Variants in TBCB observed in about 807,000 individuals in gnomAD.
TBCB encodes the protein tubulin-folding cofactor B.
Under a neutral mutation model 29.2 loss-of-function variants are expected in TBCB, and 18 were observed. That is an observed-to-expected ratio of 0.62 (90% CI 0.43 to 0.91). The LOEUF (loss-of-function observed/expected upper bound fraction) is 0.91. Among genes scored for constraint, TBCB ranks in the 40% least tolerant of loss-of-function variants. TBCB has a pLI of 0.00. For missense variants in TBCB, 336 were observed against 337.6 expected (o/e 1.00, Z 0.04); for synonymous variants, 172 against 137.8 (o/e 1.25, Z -1.74).
chr19:36,115,801 T>A (rs1220862145), intron 1 of TBCB, 127 bp downstream of exon 1: 6 of 1,119,582 alleles, frequency 5.4e-6, no homozygotes, highest in Non-Finnish European at 6.4e-6. Flanking sequence ...CTGCGGAGGC[T>A]GGGGACCCGG....
Position 36,121,587 on chromosome 19 carries a change from C to A in TBCB, c.416C>A (p.Ala139Asp). 1 of 1,557,096 alleles carries A rather than the reference C, an allele frequency of 6.4e-7. No homozygotes were observed. The highest frequency in any genetic ancestry group is 8.7e-7 in the Non-Finnish European group (1 of 1,151,976). Residue 139 changes from alanine (A) to aspartate (D), a missense_variant, in exon 4 of 6, where the codon GCT (alanine) becomes GAT (aspartate). Physicochemically the swap from Ala to Asp is moderately radical, Grantham distance 126. Transcript: ENST00000221855. ...KLGRYNEEER[A>D]QQEAEAAQRL... ...GGCCGGTACAACGAGGAGGAGCGGG[C>A]TCAGCAGGAGGCCGAGGCCGCCCAG...
In TBCB at chr19:36,115,620, C is replaced by T; in HGVS notation, c.60C>T (p.Asn20=). The part of the protein sequence containing the change: ...TVTVFISSSL[N]TFRSEKRYSR... ...CCGTTTTCATCAGCAGCTCCCTCAA[C>T]ACCTTCCGCTCCGAGAAGCGATACA... The change falls in exon 1 of 6, where the codon AAC becomes AAT. Residue 20 remains asparagine (N), a synonymous_variant. Transcript: ENST00000221855. 1 of 1,609,540 alleles carries T rather than the reference C, an allele frequency of 6.2e-7. No homozygotes were observed. The highest frequency in any genetic ancestry group is 2.2e-5 in the East Asian group (1 of 44,642).
chr19:36,117,064 T>C (rs1973967653), intron 2 of TBCB, among the ~76,000 whole-genome samples: 1 of 152,212 alleles, frequency 6.6e-6, no homozygotes, highest in African/African-American at 2.4e-5. Context: ...CCTTCCTTCC[T>C]GTCTTAATTT....
chr19:36,121,390 G>A (rs945560987), intron 3 of TBCB, 137 bp from the exon 4 acceptor site: 2 of 1,061,848 alleles, frequency 1.9e-6, no homozygotes, highest in Middle Eastern at 3.1e-4. Flanking sequence ...TGTGGTGGGA[G>A]ACCTGGGGCT....
chr19:36,118,402 TAA>T (rs1266418086), intron 2 of TBCB: 1 of 151,994 alleles, frequency 6.6e-6, no homozygotes, highest in Non-Finnish European at 1.5e-5. Flanking sequence ...ACGAGAAGAA[TAA>T]AAAGAATTGG....
At chr19:36,121,490 C>T (rs762400432) in intron 3 of TBCB, 37 bp from the exon 4 acceptor site, 2 of 1,530,916 alleles carry the variant, frequency 1.3e-6, no homozygotes, top group Non-Finnish European at 1.8e-6. Context: ...TAGGCCCGGC[C>T]GACACCCCAA....
intron 3 of TBCB, 136 bp downstream of exon 3, chr19:36,120,942 A>T: frequency 4.6e-6 from 3 of 652,166 alleles, no homozygotes; most frequent in Non-Finnish European, 5.0e-6. Context: ...GGGAGGATAT[A>T]GGGGTGAGGC....
upstream of TBCB, chr19:36,115,397 G>T: frequency 1.6e-6 from 1 of 606,566 alleles, no homozygotes. Context: ...CGGTGGGGAA[G>T]GGACGGCGGC....
chr19:36,119,834 T>C (rs1431416693), intron 2 of TBCB, among the ~76,000 whole-genome samples: 1 of 151,462 alleles, frequency 6.6e-6, no homozygotes, highest in Non-Finnish European at 1.5e-5. Flanking sequence ...AGGCAGAGGT[T>C]TCCGTGAGCT....
chr19:36,121,851 A>C, intron 4 of TBCB, 133 bp downstream of exon 4: 28 of 1,166,584 alleles, frequency 2.4e-5, no homozygotes, highest in Non-Finnish European at 3.0e-5. Context: ...AAACGATCTC[A>C]GTCCCTGGAG....
intron 4 of TBCB, 78 bp downstream of exon 4, chr19:36,121,796 C>T (rs1258656630): frequency 3.9e-6 from 6 of 1,521,872 alleles, no homozygotes; most frequent in Non-Finnish European, 5.3e-6. Context: ...AGTGGAGCCT[C>T]GGAGACCACG....
rs745915124 is a variant in TBCB at position 36,116,196 on chromosome 19, C to G, written c.258+12C>G. ...GCTGCCGCATCCACGTGAGGACTCT[C>G]TATCTGGGACACTCCCCCACCCCAC... On this transcript the variant is annotated intron_variant, in intron 2 of 5. Transcript: ENST00000221855. The G allele has an allele frequency of 5.0e-6, 8 of 1,611,600 alleles. No individual in the cohort carries two copies. In the Admixed American group the frequency reaches 8.4e-5, roughly 17 times the overall value.
chr19:36,119,791 G>A (rs1015587421), intron 2 of TBCB, among the ~76,000 whole-genome samples: 1 of 151,922 alleles, frequency 6.6e-6, no homozygotes, highest in Non-Finnish European at 1.5e-5. Flanking sequence ...TGCCCGGGAG[G>A]CTGAGGCAGG....
At position 36,115,795 on chromosome 19, in the gene TBCB, G is replaced by A; in HGVS notation, c.114+121G>A. The A allele has an allele frequency of 1.1e-5, 13 of 1,146,122 alleles. No homozygotes were observed. In the South Asian group the frequency reaches 1.7e-4, roughly 15 times the overall value. The allele number at this position is 1,146,122 out of a possible 1,614,324, so 71.0% of individuals were successfully genotyped here. On this transcript the variant is annotated intron_variant, in intron 1 of 5. Coordinates refer to ENST00000221855, the MANE Select transcript of TBCB (RefSeq NM_001281.3). ...GGGCCCGGAGGTGATCCCAGGCTGC[G>A]GAGGCTGGGGACCCGGTCGCGGCGG... is the stretch of plus-strand genomic sequence containing the variant.
chr19:36,121,478 G>C, intron 3 of TBCB, 49 bp from the exon 4 acceptor site: 1 of 1,521,454 alleles, frequency 6.6e-7, no homozygotes, highest in Non-Finnish European at 8.8e-7. Context: ...GCGTCATCCT[G>C]TTAGGCCCGG....
rs78689013 is a variant in TBCB at position 36,120,085 on chromosome 19, C to T, written c.259-625C>T. Among the ~76,000 whole-genome samples the T allele has an allele frequency of 2.8e-3, 422 of 152,248 alleles. 16 individuals carry two copies. The East Asian group carries it at 0.075, about 27-fold the overall frequency. On this transcript the variant is annotated intron_variant, in intron 2 of 5. Coordinates refer to ENST00000221855, the MANE Select transcript of TBCB (RefSeq NM_001281.3). ...ACATCCCCTCTTTTGGGAAGCCTAC[C>T]CTCCCATGCTCCTTAAGCCTCTTCC...
chr19:36,118,068 G>C (rs1368884851), intron 2 of TBCB: 7 of 152,158 alleles, frequency 4.6e-5, no homozygotes, highest in African/African-American at 1.7e-4. Context: ...ACCCGGCCCA[G>C]AATCTACTTT....
At chr19:36,123,651 A>T (rs1974093876) in intron 4 of TBCB, among the ~76,000 whole-genome samples, 1 of 152,100 alleles carries the variant, frequency 6.6e-6, no homozygotes, top group Non-Finnish European at 1.5e-5. Context: ...AGGTGGGCAG[A>T]TCACCTGAGA....
At chr19:36,123,025 G>A (rs1974081678) in intron 4 of TBCB, among the ~76,000 whole-genome samples, 1 of 152,056 alleles carries the variant, frequency 6.6e-6, no homozygotes, top group African/African-American at 2.4e-5. Flanking sequence ...GATTCTGGAT[G>A]TTTCATAGGA....
Sources: allele counts gnomAD v4.1 joint callset (sites outside exome capture counted in the v4.1 genomes callset), GRCh38; gene constraint gnomAD v4.1.1; transcripts MANE v1.5; gene names NCBI Gene and HGNC (gene_info 2026-07-23, HGNC 2026-07-21).